MAP2: variants seen among roughly 807,000 people sequenced by gnomAD.
MAP2 encodes the protein microtubule associated protein 2.
MAP2 carries 14 observed loss-of-function variants against 137.6 expected under a neutral mutation model. The observed-to-expected ratio is 0.10, with a 90% confidence interval of 0.07 to 0.16. MAP2 has a LOEUF of 0.16. Ranked by LOEUF, MAP2 falls within the 10% of genes least tolerant of loss-of-function variation. The pLI, the probability that MAP2 is intolerant of heterozygous loss-of-function variation, is 1.00. For missense variants in MAP2, 2,088 were observed against 2,191.5 expected (o/e 0.95, Z 0.94); for synonymous variants, 786 against 782.3 (o/e 1.00, Z -0.08).
intron 13 of MAP2, among the ~76,000 whole-genome samples, chr2:209,720,596 G>A (rs571261306): frequency 1.1e-4 from 16 of 139,582 alleles, no homozygotes; most frequent in African/African-American, 4.4e-4. Flanking sequence ...CCGAGATCGC[G>A]CCACTGCACT....
intron 13 of MAP2, among the ~76,000 whole-genome samples, chr2:209,714,564 T>C (rs1374060132): frequency 6.6e-6 from 1 of 152,242 alleles, no homozygotes; most frequent in Non-Finnish European, 1.5e-5. Context: ...TGGTCTGTCA[T>C]CTTTGTAAAA....
At chr2:209,704,428 G>C (rs771625719) in intron 11 of MAP2, 1 of 1,582,276 alleles carries the variant, frequency 6.3e-7, no homozygotes, top group Non-Finnish European at 8.6e-7. Context: ...TTGTGCTTTT[G>C]TTTGTTTTCT....
chr2:209,616,867 T>C (rs1474937418), intron 3 of MAP2, among the ~76,000 whole-genome samples: 3 of 152,106 alleles, frequency 2.0e-5, no homozygotes, highest in Admixed American at 6.6e-5. Context: ...TTAGGTTCAG[T>C]GAAGCATAGG....
chr2:209,705,754 T>C, intron 12 of MAP2, 27 bp downstream of exon 12: 1 of 1,598,826 alleles, frequency 6.3e-7, no homozygotes, highest in Non-Finnish European at 8.5e-7. Context: ...TTGAATTCCT[T>C]TTTAAGCACT....
intron 5 of MAP2, among the ~76,000 whole-genome samples, chr2:209,663,755 G>A (rs144722778): frequency 2.1e-3 from 324 of 152,292 alleles, no homozygotes; most frequent in African/African-American, 7.4e-3. Flanking sequence ...TCAAAGTGAT[G>A]CTGGCATATG....
intron 2 of MAP2, among the ~76,000 whole-genome samples, chr2:209,538,033 G>C (rs547799372): frequency 1.3e-5 from 2 of 152,256 alleles, no homozygotes; most frequent in Admixed American, 6.5e-5. Flanking sequence ...CAGGCAGATT[G>C]AACCCAGTCT....
chr2:209,492,131 G>A (rs2059187955), intron 1 of MAP2, among the ~76,000 whole-genome samples: 1 of 151,376 alleles, frequency 6.6e-6, no homozygotes, highest in African/African-American at 2.4e-5. Flanking sequence ...ATGCAAGGCT[G>A]GTTCAACATA....
intron 8 of MAP2, 61 bp downstream of exon 8, chr2:209,696,411 T>C: frequency 6.7e-7 from 1 of 1,501,952 alleles, no homozygotes; most frequent in Non-Finnish European, 8.9e-7. Flanking sequence ...GAATTTTTTT[T>C]CACTTAAACA....
intron 1 of MAP2, among the ~76,000 whole-genome samples, chr2:209,488,930 G>A (rs1456813353): frequency 6.6e-6 from 1 of 152,182 alleles, no homozygotes; most frequent in African/African-American, 2.4e-5. Context: ...CATAGTGCTC[G>A]AGCTCTGCCA....
chr2:209,427,963 TG>T (rs1693034238), intron 1 of MAP2, among the ~76,000 whole-genome samples: 2 of 152,170 alleles, frequency 1.3e-5, no homozygotes, highest in Admixed American at 1.3e-4. Context: ...ATAAATGTTT[TG>T]TTTTTCTGTT....
intron 2 of MAP2, among the ~76,000 whole-genome samples, chr2:209,532,031 G>C (rs2065183697): frequency 6.6e-6 from 1 of 152,062 alleles, no homozygotes; most frequent in Admixed American, 6.5e-5. Context: ...GTGAGTCCAA[G>C]ATTTTGAGAC....
intron 4 of MAP2, among the ~76,000 whole-genome samples, chr2:209,652,919 T>C (rs974376134): frequency 2.7e-4 from 41 of 152,216 alleles, no homozygotes; most frequent in African/African-American, 9.4e-4. Context: ...ATGTGTAGAA[T>C]GACATTGATC....
intron 2 of MAP2, among the ~76,000 whole-genome samples, chr2:209,542,678 T>C (rs1437857443): frequency 6.6e-6 from 1 of 152,234 alleles, no homozygotes; most frequent in Non-Finnish European, 1.5e-5. Flanking sequence ...CTTTAACTTT[T>C]ATGTTATGAA....
chr2:209,480,500 T>G (rs927729235), intron 1 of MAP2, among the ~76,000 whole-genome samples: 4 of 152,000 alleles, frequency 2.6e-5, no homozygotes, highest in Non-Finnish European at 5.9e-5. Flanking sequence ...TGGAATCACA[T>G]TGTTTTCCTT....
intron 1 of MAP2, among the ~76,000 whole-genome samples, chr2:209,444,818 G>A (rs773813053): frequency 2.0e-5 from 3 of 151,166 alleles, no homozygotes; most frequent in Non-Finnish European, 3.0e-5. Context: ...AGTTCTTATC[G>A]GGAGCAATTT....
intron 7 of MAP2, among the ~76,000 whole-genome samples, chr2:209,685,106 G>T (rs942662704): frequency 6.6e-6 from 1 of 152,144 alleles, no homozygotes; most frequent in Non-Finnish European, 1.5e-5. Flanking sequence ...TATGGTTTAT[G>T]TCTGGAGAAG....
chr2:209,677,936 A>C (rs1287866818), intron 5 of MAP2, among the ~76,000 whole-genome samples: 5 of 151,968 alleles, frequency 3.3e-5, no homozygotes, highest in Non-Finnish European at 7.4e-5. Context: ...TCTTATTTTC[A>C]CTGATCCTGG....
chr2:209,680,926 A>C, intron 7 of MAP2, 99 bp downstream of exon 7: 1 of 822,636 alleles, frequency 1.2e-6, no homozygotes, highest in Non-Finnish European at 1.9e-6. Context: ...TTAGTATGTG[A>C]CCAAGCTTTG....
chr2:209,583,139 G>GTCTA (rs1219307163), intron 3 of MAP2, among the ~76,000 whole-genome samples: 3 of 112,782 alleles, frequency 2.7e-5, no homozygotes, highest in African/African-American at 3.7e-5. Flanking sequence ...CTATCCATCT[G>GTCTA]TCTGTCTGTC....
Sources: gnomAD v4.1 joint callset for allele counts (sites outside exome capture counted in the v4.1 genomes callset) on GRCh38, gnomAD v4.1.1 for gene constraint, MANE v1.5 for transcripts, NCBI Gene and HGNC (gene_info 2026-07-23, HGNC 2026-07-21) for gene names.